DLG2: variants seen among roughly 807,000 people sequenced by gnomAD.
The protein encoded by DLG2 is discs large MAGUK scaffold protein 2.
Under a neutral mutation model 132.5 loss-of-function variants are expected in DLG2, and 45 were observed. The ratio of observed to expected loss-of-function variants is 0.34; its 90% confidence interval spans 0.27 to 0.44. The LOEUF is 0.44. Among genes scored for constraint, DLG2 ranks in the 20% least tolerant of loss-of-function variants. The probability of loss-of-function intolerance (pLI) is 1.00; values close to 1 mark genes in which losing one functional copy is unlikely to be tolerated. For synonymous variants in DLG2, 424 were observed against 419.6 expected, an observed-to-expected ratio of 1.01 and a Z score of -0.13; for missense variants, 1,045 against 1,196.9, an observed-to-expected ratio of 0.87 and a Z score of 1.87.
At chr11:84,677,429 G>GA (rs1277941048) in intron 6 of DLG2, among the ~76,000 whole-genome samples, 2 of 151,560 alleles carry the variant, frequency 1.3e-5, no homozygotes, top group African/African-American at 4.8e-5. Context: ...GAAATAGTAG[G>GA]AAAAAAACCA....
intron 3 of DLG2, among the ~76,000 whole-genome samples, chr11:85,292,682 G>T (rs1486125032): frequency 2.4e-5 from 2 of 84,162 alleles, no homozygotes; most frequent in African/African-American, 8.2e-5. Flanking sequence ...GGGAGGGAGG[G>T]AGGGAGGGAG....
chr11:84,666,541 T>A (rs964919307), intron 6 of DLG2, among the ~76,000 whole-genome samples: 3 of 152,090 alleles, frequency 2.0e-5, no homozygotes, highest in African/African-American at 7.2e-5. Flanking sequence ...TGGAGAAGTC[T>A]GACACTTACA....
At chr11:84,873,946 C>T (rs947205770) in intron 6 of DLG2, among the ~76,000 whole-genome samples, 2 of 152,112 alleles carry the variant, frequency 1.3e-5, no homozygotes, top group African/African-American at 4.8e-5. Flanking sequence ...CAAATCTGAA[C>T]GACATCACCC....
chr11:85,462,545 A>G (rs1055398069), intron 3 of DLG2, among the ~76,000 whole-genome samples: 9 of 151,964 alleles, frequency 5.9e-5, no homozygotes, highest in African/African-American at 1.5e-4. Flanking sequence ...GCAAACTATC[A>G]CAAGGACAAA....
chr11:83,990,709 T>G (rs2093659389), intron 11 of DLG2, among the ~76,000 whole-genome samples: 1 of 152,164 alleles, frequency 6.6e-6, no homozygotes, highest in Non-Finnish European at 1.5e-5. Context: ...TGGTTCAACT[T>G]TATTTCATGT....
At position 83,606,374 on chromosome 11, in the gene DLG2, T is replaced by C. The variant is rs188434348; in HGVS notation, c.1940+26837A>G. Among the ~76,000 whole-genome samples the C allele has an allele frequency of 2.5e-3, 381 of 152,310 alleles. 1 individual carries two copies. Among genetic ancestry groups the C allele is most frequent in the African/African-American group, 8.5e-3 (353 of 41,558 alleles). ...TGTATCTAAATCCGTAGGCATTTAT[T>C]GTTTTATTAAGAGTGAGGAAACCTT... On this transcript the variant is annotated intron_variant, in intron 19 of 27. Coordinates refer to ENST00000376104, the MANE Select transcript of DLG2 (RefSeq NM_001142699.3).
At chr11:84,894,321 C>A (rs1310993856) in intron 6 of DLG2, among the ~76,000 whole-genome samples, 2 of 152,122 alleles carry the variant, frequency 1.3e-5, no homozygotes, top group African/African-American at 4.8e-5. Context: ...AAATAATTTT[C>A]TTTAAATTGT....
At position 83,618,733 on chromosome 11, in the gene DLG2, A is replaced by G. The variant is rs139359725; in HGVS notation, c.1940+14478T>C. ...TCTACAGGACTTATCATTTCATTCT[A>G]TGGTAGTGTATACCTCCTATGGAGG... is the stretch of plus-strand genomic sequence containing the variant. On this transcript the variant is annotated intron_variant, in intron 19 of 27. Coordinates refer to ENST00000376104, the MANE Select transcript of DLG2 (RefSeq NM_001142699.3). Among the ~76,000 whole-genome samples the G allele has an allele frequency of 1.9e-3, 289 of 152,262 alleles. 1 individual carries two copies. The highest frequency in any genetic ancestry group is 6.4e-3 in the African/African-American group (268 of 41,554).
intron 3 of DLG2, among the ~76,000 whole-genome samples, chr11:85,405,048 T>C (rs2088586100): frequency 6.6e-6 from 1 of 151,896 alleles, no homozygotes; most frequent in South Asian, 2.1e-4. Context: ...ATGGCTAATA[T>C]AGTTTTAAAA....
chr11:84,088,416 C>A (rs551367307), intron 10 of DLG2, among the ~76,000 whole-genome samples: 26 of 151,382 alleles, frequency 1.7e-4, no homozygotes, highest in Non-Finnish European at 2.9e-4. Flanking sequence ...ATGTTTGCCA[C>A]AAAGTTATTA....
intron 18 of DLG2, among the ~76,000 whole-genome samples, chr11:83,761,919 T>C (rs1282760116): frequency 3.3e-5 from 5 of 152,136 alleles, no homozygotes; most frequent in African/African-American, 4.8e-5. Context: ...TGGCTTGAAA[T>C]TTTCCCTTGA....
At chr11:83,481,265 T>G (rs958992525) in intron 22 of DLG2, among the ~76,000 whole-genome samples, 8 of 152,132 alleles carry the variant, frequency 5.3e-5, no homozygotes, top group Non-Finnish European at 1.2e-4. Context: ...GTTGGTTATA[T>G]GCCAGAATTT....
intron 4 of DLG2, among the ~76,000 whole-genome samples, chr11:85,200,134 G>A (rs533078075): frequency 2.6e-5 from 4 of 152,176 alleles, no homozygotes; most frequent in Non-Finnish European, 4.4e-5. Flanking sequence ...CAACACCTAG[G>A]GGGGTCATTT....
At chr11:83,898,505 T>G (rs61901785) in intron 15 of DLG2, among the ~76,000 whole-genome samples, 14,630 of 152,096 alleles carry the variant, frequency 0.096, 829 homozygotes, top group Middle Eastern at 0.19. Context: ...CTTTTTCTTT[T>G]AAATACTTTC....
intron 21 of DLG2, among the ~76,000 whole-genome samples, chr11:83,485,199 CACATAGAT>C (rs1364820740): frequency 2.6e-5 from 4 of 152,138 alleles, no homozygotes; most frequent in Non-Finnish European, 5.9e-5. Context: ...TTAAAAATAA[CACATAGAT>C]ACATAATACG....
intron 18 of DLG2, among the ~76,000 whole-genome samples, chr11:83,768,685 G>A (rs550567660): frequency 6.6e-6 from 1 of 152,210 alleles, no homozygotes; most frequent in South Asian, 2.1e-4. Context: ...GCACAACGTG[G>A]CTCAGCAGAT....
At chr11:84,835,338 T>C (rs112902611) in intron 6 of DLG2, among the ~76,000 whole-genome samples, 6 of 151,804 alleles carry the variant, frequency 4.0e-5, no homozygotes, top group Non-Finnish European at 8.9e-5. Flanking sequence ...TTAATCTTCC[T>C]GTGTTTGCTT....
At chr11:85,001,163 C>G (rs953168603) in intron 6 of DLG2, among the ~76,000 whole-genome samples, 2 of 151,392 alleles carry the variant, frequency 1.3e-5, no homozygotes, top group Admixed American at 1.3e-4. Context: ...GCATGATTAC[C>G]GCTTCCTGCA....
At position 84,636,947 on chromosome 11, in the gene DLG2, A is replaced by AT. The variant is rs372992040; in HGVS notation, c.358-102217dup. 4.3e-3 allele frequency among the ~76,000 whole-genome samples: 623 copies of AT among 146,370 alleles called. 5 individuals are homozygous for AT. Among genetic ancestry groups the AT allele is most frequent in the African/African-American group, 0.014 (546 of 40,192 alleles). ...CAGGTGCCCACCACCACACCTGCTA[A>AT]TTTTTTTTTTTTTCCGTTTTAGTAG... is the stretch of plus-strand genomic sequence containing the variant. On this transcript the variant is annotated intron_variant, in intron 6 of 27. Coordinates refer to ENST00000376104, the MANE Select transcript of DLG2 (RefSeq NM_001142699.3).
Sources: allele counts gnomAD v4.1 joint callset (sites outside exome capture counted in the v4.1 genomes callset), GRCh38; gene constraint gnomAD v4.1.1; transcripts MANE v1.5; gene names NCBI Gene and HGNC (gene_info 2026-07-23, HGNC 2026-07-21).